TOX2: variants seen among roughly 807,000 people sequenced by gnomAD.
TOX2 encodes the protein granulosa cell HMG box 1.
A neutral mutation model predicts 47.4 loss-of-function variants in TOX2; 15 were observed. The observed-to-expected ratio is 0.32, with a 90% CI of 0.21 to 0.49. TOX2 has a LOEUF of 0.49. TOX2 is among the 20% of genes least tolerant of loss of function. TOX2 has a pLI of 0.99. For missense variants in TOX2, 622 were observed against 673.1 expected (o/e 0.92, Z 0.84); for synonymous variants, 290 against 296.6 (o/e 0.98, Z 0.23).
At chr20:43,979,616 A>G (rs375284255) in intron 2 of TOX2, among the ~76,000 whole-genome samples, 2 of 152,214 alleles carry the variant, frequency 1.3e-5, no homozygotes, top group Non-Finnish European at 2.9e-5. Flanking sequence ...GGGAGAAAGT[A>G]TTTGCAAACT....
intron 3 of TOX2, among the ~76,000 whole-genome samples, chr20:44,024,928 A>C (rs913677170): frequency 3.3e-5 from 5 of 152,284 alleles, no homozygotes; most frequent in Non-Finnish European, 7.3e-5. Flanking sequence ...CTATTGGAGC[A>C]GTTCTAGGAC....
chr20:43,994,866 T>C (rs546209020), intron 2 of TOX2, among the ~76,000 whole-genome samples: 1 of 152,240 alleles, frequency 6.6e-6, no homozygotes, highest in South Asian at 2.1e-4. Flanking sequence ...TCTGCCCTGA[T>C]CCAAGCATTT....
At chr20:44,039,191 C>T (rs1260427370) in intron 3 of TOX2, 1 of 1,275,232 alleles carries the variant, frequency 7.8e-7, no homozygotes, top group South Asian at 1.2e-5. Context: ...GAGGATGGAG[C>T]AGGAGAGGGA....
At chr20:43,978,566 G>A (rs1248716918) in intron 2 of TOX2, among the ~76,000 whole-genome samples, 1 of 152,140 alleles carries the variant, frequency 6.6e-6, no homozygotes, top group Non-Finnish European at 1.5e-5. Context: ...TGGTGTTTTT[G>A]TATGCATTGT....
chr20:44,042,153 C>T (rs867538995), intron 3 of TOX2, among the ~76,000 whole-genome samples: 7 of 152,210 alleles, frequency 4.6e-5, no homozygotes, highest in South Asian at 4.1e-4. Context: ...AGCAAAGGCA[C>T]GTCTTACGTG....
At chr20:44,023,006 G>A (rs937528395) in intron 3 of TOX2, among the ~76,000 whole-genome samples, 3 of 151,500 alleles carry the variant, frequency 2.0e-5, no homozygotes, top group African/African-American at 2.4e-5. Context: ...GGGAGGTGGG[G>A]GGAGGAAGAG....
At chr20:43,973,110 A>T (rs1017647947) in intron 1 of TOX2, among the ~76,000 whole-genome samples, 44 of 152,252 alleles carry the variant, frequency 2.9e-4, no homozygotes, top group Non-Finnish European at 2.6e-4. Flanking sequence ...GAGGGCAGAA[A>T]GGTTTTCCTA....
intron 3 of TOX2, among the ~76,000 whole-genome samples, chr20:44,013,081 G>A (rs185647254): frequency 7.2e-4 from 110 of 152,308 alleles, no homozygotes; most frequent in African/African-American, 2.5e-3. Flanking sequence ...GAGCCTGGGG[G>A]CAGGATTTAA....
intron 1 of TOX2, among the ~76,000 whole-genome samples, chr20:43,943,403 A>C (rs1252039159): frequency 1.3e-5 from 2 of 152,154 alleles, no homozygotes; most frequent in African/African-American, 2.4e-5. Flanking sequence ...AAAATGCCTC[A>C]TTCCTTATCT....
intron 4 of TOX2, among the ~76,000 whole-genome samples, chr20:44,051,837 G>A (rs990611195): frequency 6.6e-6 from 1 of 152,218 alleles, no homozygotes; most frequent in Non-Finnish European, 1.5e-5. Context: ...GGGGCTTTGT[G>A]GCATCGGGCT....
intron 3 of TOX2, among the ~76,000 whole-genome samples, chr20:44,031,869 C>T (rs559318196): frequency 2.8e-4 from 43 of 151,712 alleles, no homozygotes; most frequent in African/African-American, 9.5e-4. Context: ...CTAGGTGTCG[C>T]GGTCTAGATA....
intron 1 of TOX2, among the ~76,000 whole-genome samples, chr20:43,949,765 TA>T: frequency 6.6e-6 from 1 of 152,206 alleles, no homozygotes; most frequent in Non-Finnish European, 1.5e-5. Context: ...TAGCCGCAAC[TA>T]TCAGAGCCAG....
chr20:43,953,284 GAA>G (rs1184414565), intron 1 of TOX2, among the ~76,000 whole-genome samples: 3 of 152,072 alleles, frequency 2.0e-5, no homozygotes, highest in Non-Finnish European at 4.4e-5. Flanking sequence ...ACAGCCCTAG[GAA>G]ACTAATATAT....
At chr20:43,946,076 TG>T in intron 1 of TOX2, 1 of 1,609,614 alleles carries the variant, frequency 6.2e-7, no homozygotes, top group Non-Finnish European at 8.5e-7. Flanking sequence ...GAGGTGGAGG[TG>T]GTCAGGCCGT....
intron 1 of TOX2, among the ~76,000 whole-genome samples, chr20:43,926,802 G>A (rs374111801): frequency 1.6e-4 from 24 of 152,310 alleles, no homozygotes; most frequent in African/African-American, 5.1e-4. Flanking sequence ...CAGTCTCCTC[G>A]AAAGATTTGG....
intron 1 of TOX2, among the ~76,000 whole-genome samples, chr20:43,940,792 A>T (rs1443287587): frequency 6.6e-6 from 1 of 152,192 alleles, no homozygotes; most frequent in East Asian, 1.9e-4. Context: ...GGGCATGAGG[A>T]TGTAGACCAG....
chr20:44,065,124 C>G (rs190239745), intron 6 of TOX2, among the ~76,000 whole-genome samples: 1 of 152,304 alleles, frequency 6.6e-6, no homozygotes, highest in Admixed American at 6.5e-5. Flanking sequence ...GTTAAAGTGG[C>G]CGCACTAGGA....
intron 1 of TOX2, among the ~76,000 whole-genome samples, chr20:43,964,307 C>G (rs1316849911): frequency 6.6e-6 from 1 of 152,176 alleles, no homozygotes; most frequent in Admixed American, 6.5e-5. Flanking sequence ...GTGCCGGGCT[C>G]TCTGCCTGCA....
rs1476170145 is a variant in TOX2 at position 43,964,504 on chromosome 20, GT to G, written c.100-8860del. On this transcript the variant is annotated intron_variant, in intron 1 of 8. Transcript: ENST00000341197. ...GGGAGCAGTGTGTGCTGCTTTGATT[GT>G]TTCCTCTTTAGATCTTGGTGAGGCT... is the stretch of plus-strand genomic sequence containing the variant. 4.6e-5 allele frequency among the ~76,000 whole-genome samples: 7 copies of G among 152,320 alleles called. No homozygotes were observed. In the East Asian group the frequency reaches 1.4e-3, roughly 29 times the overall value.
Sources: allele counts gnomAD v4.1 joint callset (sites outside exome capture counted in the v4.1 genomes callset), GRCh38; gene constraint gnomAD v4.1.1; transcripts MANE v1.5; gene names NCBI Gene and HGNC (gene_info 2026-07-23, HGNC 2026-07-21).